Variants in ADGRL2 observed in about 807,000 individuals in gnomAD.
The protein encoded by ADGRL2 is calcium-independent alpha-latrotoxin receptor 2.
A neutral mutation model predicts 157.4 loss-of-function variants in ADGRL2; 44 were observed. The ratio of observed to expected loss-of-function variants is 0.28; its 90% CI spans 0.22 to 0.36. The LOEUF (loss-of-function observed/expected upper bound fraction) is 0.36, where lower values mean the gene tolerates loss of function less well. Ranked by LOEUF, ADGRL2 falls within the 10% of genes least tolerant of loss-of-function variation. The pLI is 1.00. For missense variants in ADGRL2, 1,510 were observed against 1,768.9 expected, an observed-to-expected ratio of 0.85 and a Z score of 2.63; for synonymous variants, 585 against 624.7, an observed-to-expected ratio of 0.94 and a Z score of 0.95.
intron 1 of ADGRL2, among the ~76,000 whole-genome samples, chr1:81,730,956 T>C (rs2084702544): frequency 6.6e-6 from 1 of 152,202 alleles, no homozygotes; most frequent in Non-Finnish European, 1.5e-5. Flanking sequence ...GGTATCACAA[T>C]TACCCTCCCA....
At chr1:81,530,649 T>C (rs1358945564) in intron 2 of ADGRL2, among the ~76,000 whole-genome samples, 1 of 152,032 alleles carries the variant, frequency 6.6e-6, no homozygotes. Context: ...ATGCCTGGCC[T>C]TGATCTTCAT....
At chr1:81,352,308 A>G (rs1383162761) in intron 1 of ADGRL2, among the ~76,000 whole-genome samples, 2 of 152,222 alleles carry the variant, frequency 1.3e-5, no homozygotes, top group African/African-American at 4.8e-5. Flanking sequence ...TTAGTTTCTG[A>G]AATCGTCTTG....
chr1:81,342,223 A>C (rs1215081685), intron 1 of ADGRL2, among the ~76,000 whole-genome samples: 1 of 152,226 alleles, frequency 6.6e-6, no homozygotes, highest in Non-Finnish European at 1.5e-5. Flanking sequence ...ATTGTCATAA[A>C]TGCCCAAATG....
chr1:81,879,026 A>G (rs1414956064), intron 2 of ADGRL2, among the ~76,000 whole-genome samples: 1 of 152,250 alleles, frequency 6.6e-6, no homozygotes, highest in African/African-American at 2.4e-5. Context: ...AGCCTAGCAA[A>G]CAATGAAATG....
At chr1:81,744,775 G>A (rs982673780) in intron 1 of ADGRL2, among the ~76,000 whole-genome samples, 7 of 152,118 alleles carry the variant, frequency 4.6e-5, no homozygotes, top group African/African-American at 1.4e-4. Flanking sequence ...CTGGATGTCC[G>A]TATTTAGGTT....
intron 1 of ADGRL2, among the ~76,000 whole-genome samples, chr1:81,354,907 C>T (rs1663168024): frequency 2.0e-5 from 3 of 152,124 alleles, no homozygotes; most frequent in Non-Finnish European, 4.4e-5. Context: ...GTGGCTGCCT[C>T]ACAAATACAA....
intron 3 of ADGRL2, among the ~76,000 whole-genome samples, chr1:81,907,508 G>A (rs997537019): frequency 2.6e-5 from 4 of 152,066 alleles, no homozygotes; most frequent in African/African-American, 9.7e-5. Context: ...TAATTGAAAT[G>A]TAATCTTAGT....
chr1:81,941,716 A>T (rs182032768), intron 4 of ADGRL2, among the ~76,000 whole-genome samples: 3 of 151,918 alleles, frequency 2.0e-5, no homozygotes, highest in Non-Finnish European at 4.4e-5. Context: ...AGGCAAGAGT[A>T]TGTATACCAT....
At chr1:81,684,946 A>G (rs574336816) in intron 3 of ADGRL2, among the ~76,000 whole-genome samples, 16 of 152,218 alleles carry the variant, frequency 1.1e-4, no homozygotes, top group African/African-American at 3.6e-4. Flanking sequence ...AGTTGGCTGT[A>G]AGTATTTGGG....
intron 11 of ADGRL2, among the ~76,000 whole-genome samples, chr1:81,959,678 T>A (rs1251543673): frequency 6.6e-6 from 1 of 152,156 alleles, no homozygotes; most frequent in African/African-American, 2.4e-5. Context: ...TATCACACTT[T>A]AAAAAAATAA....
intron 2 of ADGRL2, among the ~76,000 whole-genome samples, chr1:81,851,995 T>C (rs1188882727): frequency 2.0e-5 from 3 of 152,008 alleles, no homozygotes; most frequent in Non-Finnish European, 4.4e-5. Flanking sequence ...TATTATATTC[T>C]GTACAATGAT....
At chr1:81,457,691 T>A (rs6671192) in intron 2 of ADGRL2, among the ~76,000 whole-genome samples, 16,051 of 152,178 alleles carry the variant, frequency 0.11, 963 homozygotes, top group South Asian at 0.23. Context: ...GAATTTTTTT[T>A]AAATTTTGGA....
In ADGRL2 at chr1:81,843,095, A is replaced by C. The variant is rs577636169; in HGVS notation, c.73+6038A>C. Reference sequence around the variant, plus strand: ...TATTTTCTAAATTCACAAATTATGTAAATTAACACCCAGCTAAAGCAATGA... The same window carrying C: ...TATTTTCTAAATTCACAAATTATGTCAATTAACACCCAGCTAAAGCAATGA... On this transcript the variant is annotated intron_variant, in intron 2 of 23. Coordinates refer to ENST00000686636, the MANE Select transcript of ADGRL2 (RefSeq NM_001366006.2). Among the ~76,000 whole-genome samples, 8 of 152,270 alleles carry C rather than the reference A, an allele frequency of 5.3e-5. No homozygotes were observed. In the East Asian group the frequency reaches 1.4e-3, roughly 26 times the overall value.
chr1:81,736,704 A>T (rs978692224), intron 1 of ADGRL2, among the ~76,000 whole-genome samples: 1 of 152,206 alleles, frequency 6.6e-6, no homozygotes, highest in Non-Finnish European at 1.5e-5. Context: ...TCCTGAGCAG[A>T]GCCTAAGTGT....
intron 2 of ADGRL2, among the ~76,000 whole-genome samples, chr1:81,850,202 C>T (rs1173188360): frequency 6.6e-6 from 1 of 151,974 alleles, no homozygotes; most frequent in Non-Finnish European, 1.5e-5. Context: ...CATAGCATTT[C>T]ACTGGAGTCT....
At chr1:81,604,940 A>G (rs189730662) in intron 3 of ADGRL2, among the ~76,000 whole-genome samples, 23 of 152,316 alleles carry the variant, frequency 1.5e-4, no homozygotes, top group Non-Finnish European at 4.4e-5. Context: ...ATTCATTTTT[A>G]CCACCATTGG....
At chr1:81,799,487 C>T (rs1463512744), upstream of ADGRL2, among the ~76,000 whole-genome samples, 1 of 152,106 alleles carries the variant, frequency 6.6e-6, no homozygotes, top group African/African-American at 2.4e-5. Flanking sequence ...TACATTTAAC[C>T]TATGATTTCC....
At chr1:81,771,108 G>A (rs2086351684) in intron 2 of ADGRL2, among the ~76,000 whole-genome samples, 1 of 152,012 alleles carries the variant, frequency 6.6e-6, no homozygotes, top group Admixed American at 6.5e-5. Context: ...TGATGATTAT[G>A]GAAAACTTTG....
chr1:81,697,610 C>T (rs1044446964), upstream of ADGRL2, among the ~76,000 whole-genome samples: 1 of 152,034 alleles, frequency 6.6e-6, no homozygotes. Flanking sequence ...TAAAGAATGA[C>T]ACAAAATGAA....
Sources: allele counts gnomAD v4.1 joint callset (sites outside exome capture counted in the v4.1 genomes callset), GRCh38; gene constraint gnomAD v4.1.1; transcripts MANE v1.5; gene names NCBI Gene and HGNC (gene_info 2026-07-23, HGNC 2026-07-21).